Variants in CHMP5 observed in about 807,000 individuals in gnomAD.
CHMP5 encodes SNF7 domain containing 2.
CHMP5 carries 17 observed loss-of-function variants against 33.0 expected under a neutral mutation model. The ratio of observed to expected loss-of-function variants is 0.52; its 90% CI spans 0.35 to 0.77. The LOEUF (loss-of-function observed/expected upper bound fraction) is 0.77. Ranked by LOEUF, CHMP5 falls within the 30% of genes least tolerant of loss-of-function variation. The pLI is 0.01. For synonymous variants in CHMP5, 76 were observed against 90.2 expected, an observed-to-expected ratio of 0.84 and a Z score of 0.89; for missense variants, 216 against 261.5, an observed-to-expected ratio of 0.83 and a Z score of 1.20.
chr9:33,269,578 A>G (rs530957466), intron 3 of CHMP5, among the ~76,000 whole-genome samples: 21 of 152,308 alleles, frequency 1.4e-4, no homozygotes, highest in African/African-American at 5.1e-4. Flanking sequence ...CTGGAAAACC[A>G]TTTAGCTATA....
chr9:33,277,016 C>T (rs754707820), intron 6 of CHMP5, among the ~76,000 whole-genome samples: 2 of 151,674 alleles, frequency 1.3e-5, no homozygotes, highest in East Asian at 3.9e-4. Flanking sequence ...AGCAATATGG[C>T]GTCACCCCGT....
In CHMP5 at chr9:33,272,092, A is replaced by G. The variant is rs528905030; in HGVS notation, c.387+869A>G. ...CATTTCTTATTGGAATTGGGTTTTG[A>G]CCAGGGAGATGAGCCCTAAGAGCTT... On this transcript the variant is annotated intron_variant, in intron 5 of 7. Coordinates refer to ENST00000223500, the MANE Select transcript of CHMP5 (RefSeq NM_016410.6). Among the ~76,000 whole-genome samples the G allele has an allele frequency of 2.6e-5, 4 of 152,088 alleles. No homozygotes were observed. In the South Asian group the frequency reaches 8.3e-4, roughly 31 times the overall value.
chr9:33,270,513 T>C, intron 3 of CHMP5, 110 bp from the exon 4 acceptor site: 1 of 905,270 alleles, frequency 1.1e-6, no homozygotes, highest in East Asian at 2.6e-5. Context: ...TTTTAAGTTT[T>C]TTGTTCCGTT....
Position 33,271,173 on chromosome 9 carries a change from G to A in CHMP5, c.337G>A (p.Val113Ile). 9 of 1,613,682 alleles carry A rather than the reference G, an allele frequency of 5.6e-6. No individual in the cohort carries two copies. Among genetic ancestry groups the A allele is most frequent in the Non-Finnish European group, 7.6e-6 (9 of 1,179,558 alleles). ...KTTVDAMKLG[V>I]KEMKKAYKQV... ...TTAGGTTGATGCTATGAAACTGGGAGTAAAGGAAATGAAGAAGGCATACAA... is the reference window on the plus strand; with the variant it reads ...TTAGGTTGATGCTATGAAACTGGGAATAAAGGAAATGAAGAAGGCATACAA... Residue 113 changes from valine to isoleucine, a missense_variant, in exon 5 of 8, where the codon GTA becomes ATA. Transcript: ENST00000223500.
chr9:33,265,915 C>G (rs186202502), intron 1 of CHMP5, 95 bp from the exon 2 acceptor site: 1 of 725,012 alleles, frequency 1.4e-6, no homozygotes. Context: ...CCTTAAGCTC[C>G]TCTTTTCTTC....
Position 33,280,937 on chromosome 9 carries a change from C to A in CHMP5, c.*78C>A. On this transcript the variant is annotated 3_prime_UTR_variant, in exon 8 of 8. Coordinates refer to ENST00000223500, the MANE Select transcript of CHMP5 (RefSeq NM_016410.6). ...GAAATATTTATCTTTCCAAATTTGCCATAACAGATTTAGGTTTCTTTCCTT... is the reference window on the plus strand; with the variant it reads ...GAAATATTTATCTTTCCAAATTTGCAATAACAGATTTAGGTTTCTTTCCTT... 7.9e-7 allele frequency: 1 copy of A among 1,261,532 alleles called. No homozygotes were observed. The allele number at this position is 1,261,532 out of a possible 1,614,324, so 78.1% of individuals were successfully genotyped here.
intron 5 of CHMP5, among the ~76,000 whole-genome samples, chr9:33,276,233 A>C (rs556195007): frequency 6.6e-6 from 1 of 152,322 alleles, no homozygotes; most frequent in African/African-American, 2.4e-5. Flanking sequence ...TGTCCTTTAG[A>C]GGAGTGTCTG....
chr9:33,280,463 T>A (rs186104950), intron 7 of CHMP5, among the ~76,000 whole-genome samples: 63 of 152,290 alleles, frequency 4.1e-4, no homozygotes, highest in African/African-American at 1.4e-3. Context: ...TGGTCCAGAG[T>A]GAAAATGCAA....
chr9:33,270,525 T>C (rs773107427), intron 3 of CHMP5, 98 bp from the exon 4 acceptor site: 3 of 881,606 alleles, frequency 3.4e-6, no homozygotes, highest in Non-Finnish European at 5.1e-6. Context: ...TGTTCCGTTG[T>C]TTTTTTTTTA....
chr9:33,269,139 CTG>C (rs925601578), intron 3 of CHMP5, among the ~76,000 whole-genome samples: 3 of 152,304 alleles, frequency 2.0e-5, no homozygotes, highest in African/African-American at 2.4e-5. Flanking sequence ...TGATATAAAA[CTG>C]TATTTTAAAA....
At chr9:33,272,548 T>C (rs1820806779) in intron 5 of CHMP5, among the ~76,000 whole-genome samples, 1 of 152,166 alleles carries the variant, frequency 6.6e-6, no homozygotes, top group African/African-American at 2.4e-5. Context: ...CTCACTCCTG[T>C]AATCCCAGCA....
At chr9:33,266,222 C>A in intron 2 of CHMP5, 108 bp downstream of exon 2, 1 of 628,150 alleles carries the variant, frequency 1.6e-6, no homozygotes, top group Non-Finnish European at 2.8e-6. Flanking sequence ...CATGTAATCC[C>A]AGCACTTTGG....
chr9:33,276,053 A>G (rs929393752), intron 5 of CHMP5, among the ~76,000 whole-genome samples: 8 of 152,218 alleles, frequency 5.3e-5, no homozygotes, highest in African/African-American at 1.9e-4. Context: ...GAGATCATCA[A>G]TTCTATTCTT....
intron 5 of CHMP5, among the ~76,000 whole-genome samples, chr9:33,274,655 G>C (rs941963661): frequency 1.3e-5 from 2 of 151,980 alleles, no homozygotes; most frequent in Non-Finnish European, 2.9e-5. Flanking sequence ...TCGCTCTGTC[G>C]CCCAGGCTAG....
chr9:33,274,370 A>C (rs1251163465), intron 5 of CHMP5, among the ~76,000 whole-genome samples: 1 of 152,186 alleles, frequency 6.6e-6, no homozygotes, highest in Non-Finnish European at 1.5e-5. Context: ...TACTGCACCC[A>C]GCAGAATTTT....
intron 7 of CHMP5, among the ~76,000 whole-genome samples, chr9:33,280,072 ATTCAAG>A (rs1820903941): frequency 6.6e-6 from 1 of 151,782 alleles, no homozygotes. Context: ...CCACCCCCGG[ATTCAAG>A]CAATCCACCC....
chr9:33,269,002 G>T (rs1470191936), intron 3 of CHMP5, among the ~76,000 whole-genome samples: 1 of 152,132 alleles, frequency 6.6e-6, no homozygotes, highest in East Asian at 1.9e-4. Context: ...TTTTTAATGA[G>T]ATTATAATAT....
rs1283421656 is a variant in CHMP5 at position 33,278,104 on chromosome 9, CA to C, written c.497-7del. 6.4e-7 allele frequency: 1 copy of C among 1,567,026 alleles called. No homozygotes were observed. Among genetic ancestry groups the C allele is most frequent in the Non-Finnish European group, 8.8e-7 (1 of 1,141,858 alleles). On this transcript the variant is annotated splice_region_variant and splice_polypyrimidine_tract_variant and intron_variant, in intron 6 of 7. Coordinates refer to ENST00000223500, the MANE Select transcript of CHMP5 (RefSeq NM_016410.6). ...CATTTTTTTTAAATGTTGACTGTTT[CA>C]ATCTCAGAGTTGGATGCACTAGGTG... is the stretch of plus-strand genomic sequence containing the variant.
chr9:33,280,890 C>T lies in CHMP5; in HGVS notation c.*31C>T. The T allele has an allele frequency of 4.5e-6, 7 of 1,570,186 alleles. No homozygotes were observed. The highest frequency in any genetic ancestry group is 6.1e-6 in the Non-Finnish European group (7 of 1,149,504). ...CATCATTCAAGCATATCTTGTAAAACAAACACATATTATGGGACTAGGAAA... is the reference window on the plus strand; with the variant it reads ...CATCATTCAAGCATATCTTGTAAAATAAACACATATTATGGGACTAGGAAA... On this transcript the variant is annotated 3_prime_UTR_variant, in exon 8 of 8. Coordinates refer to ENST00000223500, the MANE Select transcript of CHMP5 (RefSeq NM_016410.6).
Sources: gnomAD v4.1 joint callset for allele counts (sites outside exome capture counted in the v4.1 genomes callset) on GRCh38, gnomAD v4.1.1 for gene constraint, MANE v1.5 for transcripts, NCBI Gene and HGNC (gene_info 2026-07-23, HGNC 2026-07-21) for gene names.